GLI3: variants seen among roughly 807,000 people sequenced by gnomAD.
The protein encoded by GLI3 is transcription activator GLI3.
Under a neutral mutation model 100.8 loss-of-function variants are expected in GLI3, and 20 were observed. The observed-to-expected ratio is 0.20, with a 90% CI of 0.14 to 0.29. GLI3 has a LOEUF of 0.29. GLI3 is among the 10% of genes least tolerant of loss of function. The probability of loss-of-function intolerance (pLI) is 1.00; values close to 1 mark genes in which losing one functional copy is unlikely to be tolerated. For synonymous variants in GLI3, 938 were observed against 860.5 expected, an observed-to-expected ratio of 1.09 and a Z score of -1.58; for missense variants, 2,040 against 2,128.5, an observed-to-expected ratio of 0.96 and a Z score of 0.82.
rs1788498826 is a variant in GLI3, at chr7:42,222,174, T to C, written c.124+956A>G. Reference sequence around the variant, plus strand: ...TACCTTCCAAAGGAGATTCTGACTCTCTAGGTGGATGTAAAAACTTGTAAA... The same window carrying C: ...TACCTTCCAAAGGAGATTCTGACTCCCTAGGTGGATGTAAAAACTTGTAAA... On this transcript the variant is annotated intron_variant, in intron 2 of 14. Transcript: ENST00000395925. 2.0e-5 allele frequency among the ~76,000 whole-genome samples: 3 copies of C among 152,188 alleles called. No homozygotes were observed. The South Asian group carries it at 6.2e-4, about 32-fold the overall frequency.
chr7:42,148,177 AG>A, intron 3 of GLI3, 48 bp downstream of exon 3: 2 of 1,311,236 alleles, frequency 1.5e-6, no homozygotes, highest in Non-Finnish European at 2.1e-6. Context: ...ACACACACAC[AG>A]CCCTCCCCAT....
At chr7:42,066,291 C>T (rs1784672969) in intron 4 of GLI3, among the ~76,000 whole-genome samples, 1 of 152,150 alleles carries the variant, frequency 6.6e-6, no homozygotes, top group South Asian at 2.1e-4. Context: ...GGATGTTTCT[C>T]TCCAATACAC....
At chr7:42,246,763 T>C (rs1468949212) in intron 1 of GLI3, among the ~76,000 whole-genome samples, 3 of 151,232 alleles carry the variant, frequency 2.0e-5, no homozygotes, top group Non-Finnish European at 4.4e-5. Flanking sequence ...GGTTGGTAAA[T>C]GTTTAGTCCT....
intron 2 of GLI3, among the ~76,000 whole-genome samples, chr7:42,203,470 A>T (rs1788086398): frequency 6.6e-6 from 1 of 152,202 alleles, no homozygotes; most frequent in East Asian, 1.9e-4. Flanking sequence ...TATGATGAGA[A>T]CACATGACAT....
chr7:42,061,660 T>TG (rs758069728), intron 4 of GLI3, among the ~76,000 whole-genome samples: 1 of 152,198 alleles, frequency 6.6e-6, no homozygotes, highest in Non-Finnish European at 1.5e-5. Flanking sequence ...TAAGGCTTTA[T>TG]GTCCTAAGCA....
intron 3 of GLI3, among the ~76,000 whole-genome samples, chr7:42,131,613 A>C (rs1352460668): frequency 6.6e-6 from 1 of 152,190 alleles, no homozygotes; most frequent in African/African-American, 2.4e-5. Context: ...AAAACATAGC[A>C]GATGTGGTTA....
At chr7:42,235,981 G>A (rs971115970) in intron 1 of GLI3, among the ~76,000 whole-genome samples, 4 of 152,000 alleles carry the variant, frequency 2.6e-5, no homozygotes, top group African/African-American at 9.7e-5. Flanking sequence ...GGCGGAGGGA[G>A]CCTCCTTAAT....
intron 10 of GLI3, among the ~76,000 whole-genome samples, chr7:42,008,499 T>C (rs1486471254): frequency 2.0e-5 from 3 of 152,220 alleles, no homozygotes; most frequent in African/African-American, 7.2e-5. Flanking sequence ...TGGAGCATAG[T>C]GGCTATTCAC....
intron 10 of GLI3, 60 bp from the exon 11 acceptor site, chr7:41,978,808 G>T: frequency 6.6e-7 from 1 of 1,509,356 alleles, no homozygotes; most frequent in Non-Finnish European, 9.2e-7. Context: ...TTCTGAAGGC[G>T]ACAGAAGAAA....
chr7:42,037,590 G>C (rs1784040694), intron 7 of GLI3, among the ~76,000 whole-genome samples: 1 of 152,164 alleles, frequency 6.6e-6, no homozygotes, highest in African/African-American at 2.4e-5. Context: ...CAGCAAATGT[G>C]TACTAAAGAA....
At chr7:42,236,535 C>T (rs1306037400) in intron 1 of GLI3, among the ~76,000 whole-genome samples, 2 of 152,176 alleles carry the variant, frequency 1.3e-5, no homozygotes, top group Admixed American at 1.3e-4. Flanking sequence ...CCATGCCTCC[C>T]GCCTCCTTCC....
At chr7:42,095,934 G>T (rs1003289893) in intron 3 of GLI3, among the ~76,000 whole-genome samples, 1 of 152,178 alleles carries the variant, frequency 6.6e-6, no homozygotes. Context: ...GCAGTTAAGG[G>T]ATGAGGGGAG....
At chr7:42,250,060 A>T (rs1252303154) in intron 1 of GLI3, among the ~76,000 whole-genome samples, 2 of 152,082 alleles carry the variant, frequency 1.3e-5, no homozygotes, top group Non-Finnish European at 2.9e-5. Context: ...ACACCACTGC[A>T]CTTCATCCTG....
intron 2 of GLI3, among the ~76,000 whole-genome samples, chr7:42,182,552 A>C (rs1787613742): frequency 6.7e-6 from 1 of 149,416 alleles, no homozygotes; most frequent in African/African-American, 2.5e-5. Context: ...TGACCAGCTA[A>C]GCTTATTACC....
At chr7:42,036,212 C>T (rs140563948) in intron 7 of GLI3, among the ~76,000 whole-genome samples, 95 of 152,322 alleles carry the variant, frequency 6.2e-4, no homozygotes, top group African/African-American at 2.2e-3. Flanking sequence ...ACCCCTCTGG[C>T]TCTGTATCTA....
intron 1 of GLI3, among the ~76,000 whole-genome samples, chr7:42,262,061 CCT>C (rs1374517452): frequency 6.9e-6 from 1 of 143,950 alleles, no homozygotes; most frequent in Admixed American, 7.2e-5. Context: ...TTCTTTCCTC[CCT>C]CTCTCTCTCT....
upstream of GLI3, among the ~76,000 whole-genome samples, chr7:42,241,085 G>A (rs1472118086): frequency 6.6e-6 from 1 of 152,144 alleles, no homozygotes; most frequent in Non-Finnish European, 1.5e-5. Flanking sequence ...GAGGGATTGG[G>A]TGGCTGTTTT....
chr7:41,965,913 C>T lies in GLI3; in HGVS notation c.3160G>A (p.Gly1054Ser), dbSNP rs764242789. 33 of 1,613,520 alleles carry T rather than the reference C, an allele frequency of 2.0e-5. No individual in the cohort carries two copies. The South Asian group carries it at 3.5e-4, about 17-fold the overall frequency. Residue 1054 changes from glycine (G) to serine (S), a missense_variant, in exon 15 of 15, where the codon GGC becomes AGC. Transcript: ENST00000395925. ...GAGTGGAAGTTTCGGGACTGGCCGC[C>T]CTCGGGCCGCGTGTAATTCTGAAGC... ...LVLQNYTRPE[G>S]GQSRNFHSSP...
chr7:42,069,894 T>C (rs973054011), intron 4 of GLI3, among the ~76,000 whole-genome samples: 5 of 152,218 alleles, frequency 3.3e-5, no homozygotes, highest in African/African-American at 1.2e-4. Context: ...TGCCAATCCC[T>C]GTTTTAAGTA....
Sources: gnomAD v4.1 joint callset for allele counts (sites outside exome capture counted in the v4.1 genomes callset) on GRCh38, gnomAD v4.1.1 for gene constraint, MANE v1.5 for transcripts, NCBI Gene and HGNC (gene_info 2026-07-23, HGNC 2026-07-21) for gene names.